Variants in LIMK2 observed in about 807,000 individuals in gnomAD.
LIMK2 encodes the protein LIM domain kinase 2.
LIMK2 carries 35 observed loss-of-function variants against 75.7 expected under a neutral mutation model. The observed-to-expected ratio is 0.46, with a 90% confidence interval of 0.35 to 0.61. The LOEUF is 0.61. LIMK2 is among the 20% of genes least tolerant of loss of function. LIMK2 has a pLI of 0.00. For synonymous variants in LIMK2, 301 were observed against 319.2 expected (o/e 0.94, Z 0.61); for missense variants, 623 against 831.0 (o/e 0.75, Z 3.08).
chr22:31,240,901 G>A (rs2048619076), intron 2 of LIMK2, among the ~76,000 whole-genome samples: 1 of 152,112 alleles, frequency 6.6e-6, no homozygotes, highest in Non-Finnish European at 1.5e-5. Context: ...GCTACGTTCA[G>A]GATAAGAAGA....
At chr22:31,228,471 T>A (rs1041374591) in intron 2 of LIMK2, among the ~76,000 whole-genome samples, 1 of 152,128 alleles carries the variant, frequency 6.6e-6, no homozygotes, top group Non-Finnish European at 1.5e-5. Context: ...ACTATGGTTT[T>A]AAATCCTGGC....
intron 15 of LIMK2, chr22:31,276,818 C>A (rs1260525367): frequency 1.9e-6 from 3 of 1,611,272 alleles, no homozygotes; most frequent in African/African-American, 2.7e-5. Context: ...GGAGAGGGCC[C>A]GGGCTGCGCG....
At chr22:31,250,813 G>A (rs573031451) in intron 2 of LIMK2, among the ~76,000 whole-genome samples, 1 of 152,230 alleles carries the variant, frequency 6.6e-6, no homozygotes, top group Non-Finnish European at 1.5e-5. Context: ...GCAGAAAGTA[G>A]AAGCTAGACT....
intron 15 of LIMK2, among the ~76,000 whole-genome samples, chr22:31,275,995 G>GGAGGCT (rs2049010424): frequency 6.6e-6 from 1 of 152,112 alleles, no homozygotes; most frequent in African/African-American, 2.4e-5. Context: ...CAGCACTTTG[G>GGAGGCT]GAGGCTGAGG....
At chr22:31,272,246 T>G (rs1052514310) in intron 12 of LIMK2, among the ~76,000 whole-genome samples, 7 of 150,132 alleles carry the variant, frequency 4.7e-5, no homozygotes, top group African/African-American at 1.2e-4. Flanking sequence ...TTTTTTTTTT[T>G]GTATTTTTAG....
rs3747153 is a variant in LIMK2 at position 31,277,125 on chromosome 22, A to G, written c.1773-1172A>G. 40,111 of 1,613,490 alleles carry G rather than the reference A, an allele frequency of 0.025. 4,850 individuals carry two copies. In the East Asian group the frequency reaches 0.41, roughly 16 times the overall value. ...TCCGGGCCATGCAGAAGCTGAGCACACCCCAGAAGAAGTGAGGGTCCCCGA... is the reference window on the plus strand; with the variant it reads ...TCCGGGCCATGCAGAAGCTGAGCACGCCCCAGAAGAAGTGAGGGTCCCCGA... On this transcript the variant is annotated intron_variant, in intron 15 of 15. Transcript: ENST00000331728.
chr22:31,275,251 G>T lies in LIMK2; in HGVS notation c.1715G>T (p.Cys572Phe), dbSNP rs753699445. 1 of 1,614,214 alleles carries T rather than the reference G, an allele frequency of 6.2e-7. No individual in the cohort carries two copies. Reference sequence around the variant, plus strand: ...TGGGAGAAGTTTGTTCCCACAGATTGTCCCCCGGCCTTCTTCCCGCTGGCC... The same window carrying T: ...TGGGAGAAGTTTGTTCCCACAGATTTTCCCCCGGCCTTCTTCCCGCTGGCC... The part of the protein sequence containing the change: ...LFWEKFVPTD[C>F]PPAFFPLAAI... Residue 572 changes from cysteine to phenylalanine, a missense_variant, in exon 15 of 16, where the codon TGT becomes TTT. Transcript: ENST00000331728.
chr22:31,254,398 C>T (rs1399962959), intron 2 of LIMK2, among the ~76,000 whole-genome samples: 2 of 152,236 alleles, frequency 1.3e-5, no homozygotes, highest in Admixed American at 1.3e-4. Flanking sequence ...TGCTCCCCTA[C>T]CTGGGCTACT....
intron 11 of LIMK2, among the ~76,000 whole-genome samples, chr22:31,269,038 G>T (rs1224299876): frequency 9.9e-6 from 1 of 100,934 alleles, no homozygotes; most frequent in Non-Finnish European, 2.5e-5. Context: ...TGGTTTTTTT[G>T]TTTGTTTGTT....
At position 31,277,093 on chromosome 22, in the gene LIMK2, G is replaced by A. The variant is rs1054411543; in HGVS notation, c.1773-1204G>A. The A allele has an allele frequency of 3.7e-6, 6 of 1,613,818 alleles. No homozygotes were observed. Among genetic ancestry groups the A allele is most frequent in the Admixed American group, 3.3e-5 (2 of 59,996 alleles). Reference sequence around the variant, plus strand: ...AGAGGCCTTCATCTCTGGCCTGCTGGACAAGATCCGGGCCATGCAGAAGCT... The same window carrying A: ...AGAGGCCTTCATCTCTGGCCTGCTGAACAAGATCCGGGCCATGCAGAAGCT... On this transcript the variant is annotated intron_variant, in intron 15 of 15. Transcript: ENST00000331728.
chr22:31,224,586 A>G (rs1026160533), intron 1 of LIMK2, among the ~76,000 whole-genome samples: 5 of 152,268 alleles, frequency 3.3e-5, no homozygotes, highest in African/African-American at 1.2e-4. Context: ...TATTTTGAGA[A>G]TTAAATGAGA....
At chr22:31,228,049 T>TGTGTGTGA (rs1555885273) in intron 2 of LIMK2, among the ~76,000 whole-genome samples, 1 of 147,566 alleles carries the variant, frequency 6.8e-6, no homozygotes, top group East Asian at 1.9e-4. Flanking sequence ...TGTGTGTGTG[T>TGTGTGTGA]GAGATAGAGA....
intron 2 of LIMK2, among the ~76,000 whole-genome samples, chr22:31,231,603 T>A (rs371017720): frequency 6.6e-6 from 1 of 152,168 alleles, no homozygotes; most frequent in Non-Finnish European, 1.5e-5. Flanking sequence ...ACTCCTAGGA[T>A]GTAGCAGCAG....
chr22:31,230,026 CTTTTCTTTTT>C (rs2048513373), intron 2 of LIMK2: 1 of 144,236 alleles, frequency 6.9e-6, no homozygotes, highest in Non-Finnish European at 1.5e-5. Flanking sequence ...TCCTTTTTTT[CTTTTCTTTTT>C]TTTCTTTCTT....
At chr22:31,257,769 GT>G (rs983464707) in intron 2 of LIMK2, among the ~76,000 whole-genome samples, 1 of 152,020 alleles carries the variant, frequency 6.6e-6, no homozygotes, top group Non-Finnish European at 1.5e-5. Flanking sequence ...TGCCTGATTA[GT>G]TTTTTTATAC....
At chr22:31,273,530 T>C in intron 14 of LIMK2, 23 bp downstream of exon 14, 4 of 1,608,252 alleles carry the variant, frequency 2.5e-6, no homozygotes, top group Non-Finnish European at 3.4e-6. Context: ...ACCAAGGCCA[T>C]GCCCGAGGCA....
At chr22:31,259,400 C>T (rs879588969) in intron 4 of LIMK2, among the ~76,000 whole-genome samples, 170 bp downstream of exon 4, 13 of 152,164 alleles carry the variant, frequency 8.5e-5, no homozygotes, top group Non-Finnish European at 1.6e-4. Flanking sequence ...ATGATTTACA[C>T]ATGTCTCTAC....
intron 2 of LIMK2, among the ~76,000 whole-genome samples, chr22:31,254,252 G>A (rs749380194): frequency 6.6e-6 from 1 of 152,248 alleles, no homozygotes; most frequent in African/African-American, 2.4e-5. Flanking sequence ...AGGAGGGTGT[G>A]TTCTGGTGCT....
chr22:31,270,996 G>T (rs370880583), intron 11 of LIMK2, 140 bp from the exon 12 acceptor site: 14 of 703,968 alleles, frequency 2.0e-5, no homozygotes, highest in African/African-American at 6.9e-5. Context: ...GCCATAGGAG[G>T]CCCTGGCCCT....
Sources: gnomAD v4.1 joint callset for allele counts (sites outside exome capture counted in the v4.1 genomes callset) on GRCh38, gnomAD v4.1.1 for gene constraint, MANE v1.5 for transcripts, NCBI Gene and HGNC (gene_info 2026-07-23, HGNC 2026-07-21) for gene names.